CAMTA1: variants seen among roughly 807,000 people sequenced by gnomAD.
The protein encoded by CAMTA1 is calmodulin binding transcription activator 1.
A neutral mutation model predicts 170.9 loss-of-function variants in CAMTA1; 27 were observed. The observed-to-expected ratio is 0.16, with a 90% CI of 0.12 to 0.22. The LOEUF (loss-of-function observed/expected upper bound fraction) is 0.22. Among genes scored for constraint, CAMTA1 ranks in the 10% least tolerant of loss-of-function variants. The probability of loss-of-function intolerance (pLI) is 1.00; values close to 1 mark genes in which losing one functional copy is unlikely to be tolerated. For synonymous variants in CAMTA1, 833 were observed against 891.5 expected, an observed-to-expected ratio of 0.93 and a Z score of 1.17; for missense variants, 1,619 against 2,217.2, an observed-to-expected ratio of 0.73 and a Z score of 5.42.
chr1:7,029,859 T>C (rs1197768547), intron 3 of CAMTA1, among the ~76,000 whole-genome samples: 5 of 152,216 alleles, frequency 3.3e-5, no homozygotes, highest in Non-Finnish European at 7.4e-5. Flanking sequence ...TATTGTTTAA[T>C]GAAAAATAAC....
At chr1:7,081,429 G>A (rs1281566656) in intron 3 of CAMTA1, among the ~76,000 whole-genome samples, 1 of 152,170 alleles carries the variant, frequency 6.6e-6, no homozygotes, top group African/African-American at 2.4e-5. Flanking sequence ...ATAAACTGAC[G>A]ACTGGAACAA....
intron 4 of CAMTA1, among the ~76,000 whole-genome samples, chr1:7,177,082 CA>C: frequency 6.6e-6 from 1 of 152,042 alleles, no homozygotes. Context: ...GGCTCCTTCC[CA>C]CAGAGGCCCC....
chr1:7,008,355 G>A (rs1465280318), intron 3 of CAMTA1: 2 of 152,484 alleles, frequency 1.3e-5, no homozygotes, highest in African/African-American at 4.8e-5. Context: ...CCGGCACAAA[G>A]AGCATGCTGG....
intron 6 of CAMTA1, among the ~76,000 whole-genome samples, chr1:7,503,390 C>T (rs533744907): frequency 7.9e-5 from 12 of 152,312 alleles, no homozygotes; most frequent in African/African-American, 1.9e-4. Context: ...AGAACTTCCT[C>T]GCAGTGAGCA....
At chr1:7,750,646 C>T (rs377054464) in intron 19 of CAMTA1, among the ~76,000 whole-genome samples, 80 of 152,180 alleles carry the variant, frequency 5.3e-4, no homozygotes, top group African/African-American at 1.7e-3. Flanking sequence ...GTTGGTCTTA[C>T]GAGTGTTCAT....
chr1:6,793,084 AT>A (rs1641600904), intron 1 of CAMTA1, among the ~76,000 whole-genome samples: 1 of 152,030 alleles, frequency 6.6e-6, no homozygotes, highest in African/African-American at 2.4e-5. Flanking sequence ...TATATCTTAT[AT>A]ATATCTCCCC....
At chr1:7,072,897 T>A (rs1638828897) in intron 3 of CAMTA1, among the ~76,000 whole-genome samples, 1 of 152,248 alleles carries the variant, frequency 6.6e-6, no homozygotes, top group African/African-American at 2.4e-5. Flanking sequence ...TGGGGCCAGA[T>A]CATGCAGGAC....
At chr1:7,540,404 G>C (rs2094596429) in intron 6 of CAMTA1, among the ~76,000 whole-genome samples, 1 of 152,120 alleles carries the variant, frequency 6.6e-6, no homozygotes, top group Non-Finnish European at 1.5e-5. Context: ...CTCTCCATGA[G>C]CTCCTGGCTG....
At chr1:7,359,530 C>T (rs1205630323) in intron 5 of CAMTA1, among the ~76,000 whole-genome samples, 1 of 152,220 alleles carries the variant, frequency 6.6e-6, no homozygotes, top group African/African-American at 2.4e-5. Context: ...CCCCATTCGA[C>T]GGCACCTTTT....
chr1:7,338,888 G>T (rs1022913070), intron 5 of CAMTA1, among the ~76,000 whole-genome samples: 3 of 152,174 alleles, frequency 2.0e-5, no homozygotes, highest in African/African-American at 4.8e-5. Context: ...TCACAGTTCC[G>T]CAGGCTGTAC....
intron 4 of CAMTA1, among the ~76,000 whole-genome samples, chr1:7,165,138 T>C (rs1426187135): frequency 2.6e-5 from 4 of 152,170 alleles, no homozygotes; most frequent in Non-Finnish European, 5.9e-5. Context: ...AATGGCTAGA[T>C]TGCAAAATCA....
rs200627225 is a variant in CAMTA1 at position 7,103,358 on chromosome 1, AAC to A, written c.302+11995_302+11996del. Among the ~76,000 whole-genome samples, 481 of 151,390 alleles carry A rather than the reference AAC, an allele frequency of 3.2e-3. 3 individuals are homozygous for A. The highest frequency in any genetic ancestry group is 0.017 in the East Asian group (88 of 5,156). On this transcript the variant is annotated intron_variant, in intron 4 of 22. Transcript: ENST00000303635. ...CACACAACTACACACATGCACACAC[AAC>A]ACACACATATATACACAACTACACA...
intron 3 of CAMTA1, among the ~76,000 whole-genome samples, chr1:6,886,860 C>G (rs999513670): frequency 6.6e-6 from 1 of 152,166 alleles, no homozygotes; most frequent in Non-Finnish European, 1.5e-5. Context: ...CATTTTTGGT[C>G]ATTTTGGTCA....
At chr1:7,108,351 G>T (rs181129468) in intron 4 of CAMTA1, among the ~76,000 whole-genome samples, 2 of 152,262 alleles carry the variant, frequency 1.3e-5, no homozygotes, top group East Asian at 3.9e-4. Flanking sequence ...AGCGTGTTAA[G>T]AACTTAGGGC....
chr1:6,963,441 G>T (rs930868699), intron 3 of CAMTA1, among the ~76,000 whole-genome samples: 4 of 151,836 alleles, frequency 2.6e-5, no homozygotes, highest in African/African-American at 9.7e-5. Context: ...GCCCCGCAGC[G>T]GCAAGCGTGA....
intron 4 of CAMTA1, among the ~76,000 whole-genome samples, chr1:7,165,478 C>T (rs1482192954): frequency 1.3e-5 from 2 of 152,162 alleles, no homozygotes; most frequent in African/African-American, 4.8e-5. Context: ...GTCACCCAGG[C>T]TGGAGTGCAG....
intron 6 of CAMTA1, among the ~76,000 whole-genome samples, chr1:7,542,874 TGTGTG>T (rs567393005): frequency 2.0e-4 from 28 of 139,420 alleles, no homozygotes; most frequent in African/African-American, 7.6e-4. Flanking sequence ...TGTGTGTGTG[TGTGTG>T]TTTGAGCCGG....
Position 7,681,654 on chromosome 1 carries a change from G to T in CAMTA1, c.2914+3921G>T, listed in dbSNP as rs1395626585. Among the ~76,000 whole-genome samples the T allele has an allele frequency of 6.6e-6, 1 of 152,206 alleles. No individual in the cohort carries two copies. ...GGGGTTTACCCTGGAGACCCACTGGGGAGGATCTCTGGGAAATGTCACTTA... is the reference window on the plus strand; with the variant it reads ...GGGGTTTACCCTGGAGACCCACTGGTGAGGATCTCTGGGAAATGTCACTTA... On this transcript the variant is annotated intron_variant, in intron 11 of 22. Transcript: ENST00000303635. The surrounding 1 kb of genome is among the most constrained non-coding windows in gnomAD (Gnocchi z 4.6).
In CAMTA1 at chr1:7,093,549, C is replaced by T. The variant is rs891320093; in HGVS notation, c.302+2178C>T. Among the ~76,000 whole-genome samples the T allele has an allele frequency of 6.6e-6, 1 of 152,192 alleles. No homozygotes were observed. Among genetic ancestry groups the T allele is most frequent in the Non-Finnish European group, 1.5e-5 (1 of 68,036 alleles). On this transcript the variant is annotated intron_variant, in intron 4 of 22. Coordinates refer to ENST00000303635, the MANE Select transcript of CAMTA1 (RefSeq NM_015215.4). This position sits in a 1 kb window ranked among gnomAD's most constrained non-coding sequence, Gnocchi z 4.6. Reference sequence around the variant, plus strand: ...TGGGCCAGACATCTGATTTCAGATACGCAGACCCGTGCTGGGTTTCAGCCA... The same window carrying T: ...TGGGCCAGACATCTGATTTCAGATATGCAGACCCGTGCTGGGTTTCAGCCA...
Sources: allele counts gnomAD v4.1 joint callset (sites outside exome capture counted in the v4.1 genomes callset), GRCh38; gene constraint gnomAD v4.1.1; non-coding constraint Gnocchi (gnomAD v3.1); transcripts MANE v1.5; gene names NCBI Gene and HGNC (gene_info 2026-07-23, HGNC 2026-07-21).